The following PEX5L variants were observed in gnomAD, a reference collection of about 807,000 sequenced individuals.
PEX5L encodes the protein PEX5-related protein.
PEX5L carries 30 observed loss-of-function variants against 84.0 expected under a neutral mutation model. The observed-to-expected ratio is 0.36, with a 90% confidence interval of 0.27 to 0.48. The LOEUF (loss-of-function observed/expected upper bound fraction) is 0.48. Ranked by LOEUF, PEX5L falls within the 20% of genes least tolerant of loss-of-function variation. The pLI, the probability that PEX5L is intolerant of heterozygous loss-of-function variation, is 0.99. For synonymous variants in PEX5L, 270 were observed against 283.1 expected (o/e 0.95, Z 0.46); for missense variants, 533 against 754.6 (o/e 0.71, Z 3.44).
intron 1 of PEX5L, among the ~76,000 whole-genome samples, chr3:180,032,325 G>C (rs1791534219): frequency 6.6e-6 from 1 of 152,130 alleles, no homozygotes; most frequent in Non-Finnish European, 1.5e-5. Context: ...CTTGAACTGA[G>C]ATAACAAAGG....
At chr3:179,807,279 C>T (rs1299575007) in intron 14 of PEX5L, among the ~76,000 whole-genome samples, 1 of 152,150 alleles carries the variant, frequency 6.6e-6, no homozygotes, top group Non-Finnish European at 1.5e-5. Flanking sequence ...TGCCAGGTCC[C>T]CTTGCCCACA....
At chr3:179,954,518 T>C (rs1282810948) in intron 2 of PEX5L, among the ~76,000 whole-genome samples, 1 of 151,860 alleles carries the variant, frequency 6.6e-6, no homozygotes, top group South Asian at 2.1e-4. Context: ...TTCTGGGACC[T>C]TTTTTTTGTT....
At chr3:179,806,907 G>C (rs1577110329) in intron 14 of PEX5L, among the ~76,000 whole-genome samples, 1 of 141,840 alleles carries the variant, frequency 7.1e-6, no homozygotes, top group African/African-American at 2.8e-5. Context: ...GAATGAGAAA[G>C]GGTTTACATC....
intron 6 of PEX5L, among the ~76,000 whole-genome samples, chr3:179,874,632 C>T (rs1403126179): frequency 6.8e-6 from 1 of 147,584 alleles, no homozygotes; most frequent in Non-Finnish European, 1.5e-5. Context: ...GTGTTATTAT[C>T]TTCGATTAAA....
chr3:179,808,305 A>C lies in PEX5L; in HGVS notation c.1485T>G (p.Asp495Glu). 1 of 1,602,056 alleles carries C rather than the reference A, an allele frequency of 6.2e-7. No individual in the cohort carries two copies. The highest frequency in any genetic ancestry group is 2.2e-5 in the East Asian group (1 of 44,578). ...HLSGEFNRAIDAFNAALTVRP... is the reference protein window; with the variant it reads ...HLSGEFNRAIEAFNAALTVRP... ...GAACAGTTAAGGCAGCGTTAAATGC[A>C]TCTATTGCTCTATTAAATTCTCCAC... Residue 495 changes from aspartate to glutamate, a missense_variant, in exon 13 of 15, where the codon GAT becomes GAG. By Grantham distance (45) the Asp-to-Glu change is conservative. Coordinates refer to ENST00000467460, the MANE Select transcript of PEX5L (RefSeq NM_016559.3).
intron 8 of PEX5L, among the ~76,000 whole-genome samples, chr3:179,846,916 A>G (rs1739578544): frequency 6.6e-6 from 1 of 152,120 alleles, no homozygotes; most frequent in Admixed American, 6.5e-5. Context: ...TCCAGTATGC[A>G]AATGGAAGAT....
intron 2 of PEX5L, among the ~76,000 whole-genome samples, chr3:179,918,443 G>A (rs1236449244): frequency 2.0e-5 from 3 of 152,194 alleles, no homozygotes; most frequent in Non-Finnish European, 4.4e-5. Flanking sequence ...CACTGTGATA[G>A]CTCTATGTTA....
intron 3 of PEX5L, 194 bp from the exon 4 acceptor site, chr3:179,887,978 A>G (rs2108856470): frequency 1.4e-6 from 1 of 690,482 alleles, no homozygotes; most frequent in Non-Finnish European, 2.4e-6. Flanking sequence ...CACTGTCAAC[A>G]TATTTTTGAT....
In PEX5L at chr3:179,797,579, G is replaced by T. The variant is rs1717432258; in HGVS notation, c.*4249C>A. 1 of 107,910 alleles carries T rather than the reference G, an allele frequency of 9.3e-6. No homozygotes were observed. The highest frequency in any genetic ancestry group is 1.8e-5 in the Non-Finnish European group (1 of 56,686). The allele number at this position is 107,910 out of a possible 1,614,324, so 6.7% of individuals were successfully genotyped here. A position where few individuals can be genotyped will look rare whatever the true frequency, so the allele number is the denominator to read the frequency against. On this transcript the variant is annotated 3_prime_UTR_variant, in exon 15 of 15. Coordinates refer to ENST00000467460, the MANE Select transcript of PEX5L (RefSeq NM_016559.3). ...AAACTTTATGCCAGAGTTTATCTATGAACACTCTTTAAAAAAAAAAAAAAA... is the reference window on the plus strand; with the variant it reads ...AAACTTTATGCCAGAGTTTATCTATTAACACTCTTTAAAAAAAAAAAAAAA...
chr3:179,908,890 G>A (rs374352238), intron 2 of PEX5L, among the ~76,000 whole-genome samples: 2 of 152,194 alleles, frequency 1.3e-5, no homozygotes, highest in East Asian at 3.9e-4. Context: ...TGGGTTGGCT[G>A]TTTTATCTTT....
At chr3:179,892,114 A>G (rs1757801581) in intron 3 of PEX5L, among the ~76,000 whole-genome samples, 1 of 152,136 alleles carries the variant, frequency 6.6e-6, no homozygotes, top group Admixed American at 6.6e-5. Flanking sequence ...AACTGATTGC[A>G]ATTTTGGTCT....
At chr3:179,876,814 G>T (rs1268455960) in intron 5 of PEX5L, among the ~76,000 whole-genome samples, 1 of 151,644 alleles carries the variant, frequency 6.6e-6, no homozygotes, top group Non-Finnish European at 1.5e-5. Context: ...CATACAAGTG[G>T]AATCCTCCAA....
At chr3:179,978,949 T>C (rs921158705) in intron 1 of PEX5L, among the ~76,000 whole-genome samples, 6 of 152,204 alleles carry the variant, frequency 3.9e-5, no homozygotes, top group Non-Finnish European at 4.4e-5. Flanking sequence ...GTTTATGTCC[T>C]TTGATCATCA....
chr3:179,934,000 A>G (rs1254449748), intron 2 of PEX5L, among the ~76,000 whole-genome samples: 1 of 152,196 alleles, frequency 6.6e-6, no homozygotes, highest in Non-Finnish European at 1.5e-5. Flanking sequence ...AGAAGACCCA[A>G]TGGGACACAA....
Position 179,797,880 on chromosome 3 carries a change from C to T in PEX5L, c.*3948G>A, listed in dbSNP as rs1044652474. Reference sequence around the variant, plus strand: ...GTATCTCAAGATATAAAACAACAACCACCACTGCTACAACAACTAGCTTAA... The same window carrying T: ...GTATCTCAAGATATAAAACAACAACTACCACTGCTACAACAACTAGCTTAA... On this transcript the variant is annotated 3_prime_UTR_variant, in exon 15 of 15. Coordinates refer to ENST00000467460, the MANE Select transcript of PEX5L (RefSeq NM_016559.3). The T allele has an allele frequency of 2.0e-5, 3 of 151,940 alleles. No homozygotes were observed. Among genetic ancestry groups the T allele is most frequent in the Admixed American group, 2.0e-4 (3 of 15,236 alleles). 9.4% of individuals were successfully genotyped at this position (151,940 alleles called of 1,614,324 possible). A position where few individuals can be genotyped will look rare whatever the true frequency, so the allele number is the denominator to read the frequency against.
At chr3:179,881,420 A>T (rs545105976) in intron 4 of PEX5L, 116 of 152,346 alleles carry the variant, frequency 7.6e-4, no homozygotes, top group African/African-American at 2.6e-3. Context: ...AAGTGGAAAC[A>T]TCTGGCTCTG....
intron 2 of PEX5L, among the ~76,000 whole-genome samples, chr3:179,947,863 C>T (rs757919045): frequency 3.9e-5 from 6 of 151,906 alleles, no homozygotes; most frequent in Admixed American, 1.3e-4. Flanking sequence ...CCCGCCACCA[C>T]GCCTGGCTAA....
intron 2 of PEX5L, among the ~76,000 whole-genome samples, chr3:179,961,201 ATGTGTGTG>A (rs72242969): frequency 1.5e-5 from 1 of 65,250 alleles, no homozygotes; most frequent in Non-Finnish European, 3.9e-5. Flanking sequence ...GTGTATGTGT[ATGTGTGTG>A]TGTGTGTGTG....
chr3:179,936,147 G>A (rs1014072400), intron 2 of PEX5L, among the ~76,000 whole-genome samples: 3 of 152,132 alleles, frequency 2.0e-5, no homozygotes, highest in Middle Eastern at 3.2e-3. Context: ...TGTTTCTGTC[G>A]GTGTGGGTAA....
Sources: gnomAD v4.1 joint callset for allele counts (sites outside exome capture counted in the v4.1 genomes callset) on GRCh38, gnomAD v4.1.1 for gene constraint, MANE v1.5 for transcripts, NCBI Gene and HGNC (gene_info 2026-07-23, HGNC 2026-07-21) for gene names.